NEB: variants seen among roughly 807,000 people sequenced by gnomAD.
NEB encodes nemaline myopathy type 2.
In NEB, 512 loss-of-function variants were observed where a neutral mutation model predicts 952.2. The observed-to-expected ratio is 0.54, with a 90% CI of 0.50 to 0.58. NEB has a LOEUF of 0.58. Ranked by LOEUF, NEB falls within the 20% of genes least tolerant of loss-of-function variation. The pLI, the probability that NEB is intolerant of heterozygous loss-of-function variation, is 0.00. For synonymous variants in NEB, 2,900 were observed against 3,149.8 expected (o/e 0.92, Z 2.66); for missense variants, 8,428 against 9,231.1 (o/e 0.91, Z 3.56).
intron 138 of NEB, 66 bp from the exon 139 acceptor site, chr2:151,538,310 G>T: frequency 8.4e-7 from 1 of 1,186,270 alleles, no homozygotes; most frequent in Non-Finnish European, 1.2e-6. Flanking sequence ...GCTCTTTTAA[G>T]CATGAACTCT....
chr2:151,696,744 A>G lies in NEB; in HGVS notation c.1471-9T>C. 1.2e-6 allele frequency: 2 copies of G among 1,609,432 alleles called. No individual in the cohort carries two copies. The highest frequency in any genetic ancestry group is 1.7e-6 in the Non-Finnish European group (2 of 1,176,002). On this transcript the variant is annotated splice_polypyrimidine_tract_variant and intron_variant, in intron 16 of 181. Coordinates refer to ENST00000397345, the MANE Select transcript of NEB (RefSeq NM_001164508.2). ...TGGACTTTGTAGGTGTGCTGTGGGGAAGCAAAGGCATTTGGTTTAGTAGTA... is the reference window on the plus strand; with the variant it reads ...TGGACTTTGTAGGTGTGCTGTGGGGGAGCAAAGGCATTTGGTTTAGTAGTA...
chr2:151,650,035 A>C (rs2099013438), intron 54 of NEB, 141 bp downstream of exon 54: 1 of 803,290 alleles, frequency 1.2e-6, no homozygotes, highest in Non-Finnish European at 2.0e-6. Flanking sequence ...GCTAATTCAA[A>C]TAAAATGATC....
intron 181 of NEB, 117 bp downstream of exon 181, chr2:151,489,854 C>A: frequency 4.8e-6 from 3 of 619,302 alleles, no homozygotes; most frequent in South Asian, 5.5e-5. Context: ...AATAAAAGAG[C>A]ATTATATAAA....
chr2:151,706,894 T>C lies in NEB; in HGVS notation c.1139A>G (p.Asp380Gly), dbSNP rs1477621866. The change falls in exon 13 of 182, where the codon GAT becomes GGT. Residue 380 changes from aspartate (D) to glycine (G), a missense_variant. Transcript: ENST00000397345. ...PQLRQLKAAG[D>G]ALSDKLYKEN... ...AAATATACTTACGTCACTTAGGGCATCTCCTGCTGCCTTCAGCTGCCTAAG... is the reference window on the plus strand; with the variant it reads ...AAATATACTTACGTCACTTAGGGCACCTCCTGCTGCCTTCAGCTGCCTAAG... 1 of 1,601,746 alleles carries C rather than the reference T, an allele frequency of 6.2e-7. No individual in the cohort carries two copies. The highest frequency in any genetic ancestry group is 8.5e-7 in the Non-Finnish European group (1 of 1,173,538).
rs2099813131 is a variant in NEB at position 151,733,179 on chromosome 2, C to T, written c.-23G>A. On this transcript the variant is annotated 5_prime_UTR_variant, in exon 3 of 182. Transcript: ENST00000397345. The stretch of plus-strand genomic sequence containing the variant: ...CATTTTTCCAGAGTAGTAGTGGCAC[C>T]TACAAACTTTTCATATTCCATACAA... 1.3e-6 allele frequency: 2 copies of T among 1,598,072 alleles called. No homozygotes were observed. Among genetic ancestry groups the T allele is most frequent in the Non-Finnish European group, 1.7e-6 (2 of 1,172,050 alleles).
chr2:151,654,022 T>C lies in NEB; in HGVS notation c.6885A>G (p.Leu2295=), dbSNP rs369426786. 25 of 1,612,496 alleles carry C rather than the reference T, an allele frequency of 1.6e-5. No homozygotes were observed. The African/African-American group carries it at 2.7e-4, about 17-fold the overall frequency. The change falls in exon 52 of 182, where the codon CTA becomes CTG. Residue 2295 remains leucine (L), a synonymous_variant. Transcript: ENST00000397345. ...TAGCAATGTCTCTTGAAGCTTTAGC[T>C]AGCTGTACAGAAATTGCATCAACTG... ...DLPVDAISVQ[L]AKASRDIASD...
At chr2:151,565,656 A>C (rs950829962) in intron 115 of NEB, 51 bp from the exon 116 acceptor site, 3 of 1,564,922 alleles carry the variant, frequency 1.9e-6, no homozygotes, top group Non-Finnish European at 2.6e-6. Context: ...CAGGTTATCT[A>C]CCCCAACATG....
At position 151,697,187 on chromosome 2, in the gene NEB, T is replaced by C. The variant is rs372236577; in HGVS notation, c.1431A>G (p.Gln477=). The stretch of plus-strand genomic sequence containing the variant: ...CTAGTTTCTTAATTGCTTCATATTC[T>C]TGAGTTATGGTCTGAGGGAAGAAGC... The part of the protein sequence containing the change: ...GKGFFPQTIT[Q]EYEAIKKLDQ... Residue 477 remains glutamine, a synonymous_variant, in exon 16 of 182, where the codon CAA becomes CAG. Transcript: ENST00000397345. The C allele has an allele frequency of 7.4e-6, 12 of 1,613,616 alleles. No homozygotes were observed. Among genetic ancestry groups the C allele is most frequent in the Non-Finnish European group, 8.5e-6 (10 of 1,179,870 alleles).
chr2:151,719,612 C>G (rs1478028805), intron 9 of NEB, among the ~76,000 whole-genome samples: 1 of 152,192 alleles, frequency 6.6e-6, no homozygotes, highest in African/African-American at 2.4e-5. Flanking sequence ...AAGCAAGGCA[C>G]AGTGACTCAC....
intron 5 of NEB, among the ~76,000 whole-genome samples, chr2:151,726,307 T>C (rs1054745942): frequency 2.8e-4 from 42 of 152,210 alleles, no homozygotes; most frequent in African/African-American, 9.9e-4. Context: ...CCTTGCTGAA[T>C]ACTGCAGCAC....
Position 151,697,221 on chromosome 2 carries a change from C to G in NEB, c.1397G>C (p.Arg466Thr), listed in dbSNP as rs1340351930. 6.2e-7 allele frequency: 1 copy of G among 1,613,822 alleles called. No homozygotes were observed. The highest frequency in any genetic ancestry group is 8.5e-7 in the Non-Finnish European group (1 of 1,179,836). The change falls in exon 16 of 182, where the codon AGA (arginine) becomes ACA (threonine). Residue 466 changes from arginine to threonine, a missense_variant. Around this residue, in one of 11 missense-constraint regions of NEB, gnomAD observed 2,851 missense variants for 2,791.5 expected, o/e 1.02. Coordinates refer to ENST00000397345, the MANE Select transcript of NEB (RefSeq NM_001164508.2). ...GGTCTGAGGGAAGAAGCCTTTGCCT[C>G]TGTCTTCTTCGTATTCTGCTTTGTA... is the stretch of plus-strand genomic sequence containing the variant. ...KNYKAEYEED[R>T]GKGFFPQTIT... is the part of the protein sequence containing the mutation.
At chr2:151,568,244 A>C (rs539868308) in intron 112 of NEB, 66 bp from the exon 113 acceptor site, 2 of 1,589,376 alleles carry the variant, frequency 1.3e-6, no homozygotes, top group African/African-American at 2.7e-5. Context: ...AGTTGTGTGC[A>C]TAATTATCCT....
At chr2:151,706,336 A>G (rs1346557429) in intron 13 of NEB, among the ~76,000 whole-genome samples, 1 of 151,970 alleles carries the variant, frequency 6.6e-6, no homozygotes, top group East Asian at 1.9e-4. Flanking sequence ...TCACATATTC[A>G]ATCTCTCTCT....
rs755738112 is a variant in NEB at position 151,560,696 on chromosome 2, G to C, written c.19210C>G (p.Leu6404Val). Residue 6404 changes from leucine to valine, a missense_variant, in exon 124 of 182, where the codon CTG becomes GTG. Around this residue, in one of 11 missense-constraint regions of NEB, gnomAD observed 3,374 missense variants for 3,651.5 expected, o/e 0.92. Coordinates refer to ENST00000397345, the MANE Select transcript of NEB (RefSeq NM_001164508.2). ...ACTCTATCCCAGGCCTCCTTGTACA[G>C]GTTCTGCAGGAATTAAAGACCTTCT... ...RNLKNLYSSN[L>V]YKEAWDRVKA... 6 of 1,607,028 alleles carry C rather than the reference G, an allele frequency of 3.7e-6. No individual in the cohort carries two copies. In the East Asian group the frequency reaches 8.9e-5, roughly 24 times the overall value.
chr2:151,691,612 C>T (rs2099551585), intron 23 of NEB, among the ~76,000 whole-genome samples: 1 of 152,120 alleles, frequency 6.6e-6, no homozygotes, highest in African/African-American at 2.4e-5. Context: ...TCTGCATGTC[C>T]TTCTTTTGCC....
chr2:151,560,967 T>C (rs777678833), intron 123 of NEB, 37 bp downstream of exon 123: 7 of 1,259,308 alleles, frequency 5.6e-6, no homozygotes, highest in Middle Eastern at 2.4e-4. Context: ...GGGGGAAAGG[T>C]GGCTCATATA....
At chr2:151,509,084 C>A (rs1458187296) in intron 161 of NEB, among the ~76,000 whole-genome samples, 5 of 152,176 alleles carry the variant, frequency 3.3e-5, no homozygotes, top group Admixed American at 2.6e-4. Context: ...TAAAACTATT[C>A]TGTCTGTCTC....
chr2:151,627,970 T>C, intron 68 of NEB, 136 bp from the exon 69 acceptor site: 3 of 1,200,580 alleles, frequency 2.5e-6, no homozygotes, highest in Non-Finnish European at 3.4e-6. Context: ...GTTTATCTCC[T>C]CATCCTAAAT....
chr2:151,553,931 T>C lies in NEB; in HGVS notation c.19523A>G (p.Lys6508Arg). The C allele has an allele frequency of 6.2e-7, 1 of 1,613,926 alleles. No homozygotes were observed. Among genetic ancestry groups the C allele is most frequent in the Non-Finnish European group, 8.5e-7 (1 of 1,179,822 alleles). Residue 6508 changes from lysine to arginine, a missense_variant, in exon 126 of 182, where the codon AAA (lysine) becomes AGA (arginine). Lys to Arg is a conservative substitution (Grantham distance 26). Coordinates refer to ENST00000397345, the MANE Select transcript of NEB (RefSeq NM_001164508.2). The stretch of plus-strand genomic sequence containing the variant: ...CAGGCGGTAATCAATCTCACTGACT[T>C]TCTTCTGGGAATCCTTGGCAGTAAC... ...EMVTAKDSQK[K>R]VSEIDYRLRL...
Sources: allele counts gnomAD v4.1 joint callset (sites outside exome capture counted in the v4.1 genomes callset), GRCh38; gene constraint gnomAD v4.1.1; regional missense constraint gnomAD v4.1.1; transcripts MANE v1.5; gene names NCBI Gene and HGNC (gene_info 2026-07-23, HGNC 2026-07-21).